Variants in MTA3 observed in about 807,000 individuals in gnomAD.
MTA3 encodes metastasis associated 1 family member 3, also known as metastasis-associated protein MTA3.
MTA3 carries 34 observed loss-of-function variants against 83.5 expected under a neutral mutation model. The observed-to-expected ratio is 0.41, with a 90% CI of 0.31 to 0.54. The LOEUF (loss-of-function observed/expected upper bound fraction) is 0.54. Ranked by LOEUF, MTA3 falls within the 20% of genes least tolerant of loss-of-function variation. MTA3 has a pLI of 0.33. For synonymous variants in MTA3, 303 were observed against 252.7 expected (o/e 1.20, Z -1.89); for missense variants, 761 against 726.4 (o/e 1.05, Z -0.55).
At chr2:42,664,426 T>C (rs945869670) in intron 8 of MTA3, among the ~76,000 whole-genome samples, 1 of 151,690 alleles carries the variant, frequency 6.6e-6, no homozygotes, top group African/African-American at 2.4e-5. Flanking sequence ...ATTCTTTTCT[T>C]TGAGTATTTA....
chr2:42,653,325 A>G (rs1382737599), intron 6 of MTA3, among the ~76,000 whole-genome samples: 1 of 152,158 alleles, frequency 6.6e-6, no homozygotes, highest in African/African-American at 2.4e-5. Context: ...TAAAGACTGG[A>G]ATGAACATTA....
chr2:42,539,571 G>A (rs1048744729), intron 2 of MTA3, among the ~76,000 whole-genome samples: 2 of 139,290 alleles, frequency 1.4e-5, no homozygotes, highest in South Asian at 4.9e-4. Context: ...ATTATCAATT[G>A]TAAAGCTTTT....
rs146181709 is a variant in MTA3, at chr2:42,716,481, C to T, written c.1526-2507C>T. ...TTCTTCCTGATACTGTCCCTCCTCT[C>T]ACCCTCCACCCTCCAATAGGCCCCA... is the stretch of plus-strand genomic sequence containing the variant. On this transcript the variant is annotated intron_variant, in intron 14 of 16. Coordinates refer to ENST00000405094, the MANE Select transcript of MTA3 (RefSeq NM_001330442.2). 1.9e-3 allele frequency among the ~76,000 whole-genome samples: 285 copies of T among 152,290 alleles called. 1 individual carries two copies. Among genetic ancestry groups the T allele is most frequent in the African/African-American group, 6.6e-3 (276 of 41,554 alleles).
chr2:42,746,624 A>G (rs1305013041), intron 16 of MTA3, among the ~76,000 whole-genome samples: 2 of 152,238 alleles, frequency 1.3e-5, no homozygotes, highest in Non-Finnish European at 2.9e-5. Flanking sequence ...CCTGCTGGCT[A>G]TAAATCAGGA....
intron 4 of MTA3, among the ~76,000 whole-genome samples, chr2:42,614,827 T>C (rs1405671165): frequency 1.3e-5 from 2 of 151,806 alleles, no homozygotes; most frequent in Non-Finnish European, 2.9e-5. Context: ...ATAAAAAAAT[T>C]AGCATGGCAT....
intron 2 of MTA3, among the ~76,000 whole-genome samples, chr2:42,554,306 C>T (rs1033831418): frequency 3.9e-5 from 6 of 152,266 alleles, no homozygotes; most frequent in Admixed American, 2.6e-4. Context: ...TGGTGAACTC[C>T]TTGAGTCCCA....
At chr2:42,662,762 C>T (rs1253336341) in intron 8 of MTA3, among the ~76,000 whole-genome samples, 5 of 148,036 alleles carry the variant, frequency 3.4e-5, no homozygotes, top group East Asian at 2.0e-4. Flanking sequence ...GACAGAGTCT[C>T]GCCCTGTCGC....
chr2:42,665,574 G>A (rs1690164738), intron 8 of MTA3, among the ~76,000 whole-genome samples: 1 of 152,176 alleles, frequency 6.6e-6, no homozygotes, highest in Non-Finnish European at 1.5e-5. Context: ...GCCAGAGCAA[G>A]GTCTGCACTC....
chr2:42,646,382 C>T (rs1688189333), intron 6 of MTA3, among the ~76,000 whole-genome samples: 1 of 152,168 alleles, frequency 6.6e-6, no homozygotes, highest in South Asian at 2.1e-4. Context: ...TAAGGCTATA[C>T]TTGCCATAGA....
At chr2:42,601,082 T>C (rs1325702105) in intron 3 of MTA3, among the ~76,000 whole-genome samples, 1 of 152,080 alleles carries the variant, frequency 6.6e-6, no homozygotes, top group East Asian at 1.9e-4. Context: ...AATTTTTGTA[T>C]TTTTAGTAGA....
chr2:42,511,552 A>C (rs1304539705), intron 2 of MTA3: 1 of 152,176 alleles, frequency 6.6e-6, no homozygotes, highest in Non-Finnish European at 1.5e-5. Flanking sequence ...CCCTGTCTCT[A>C]CTAAAAATAC....
intron 2 of MTA3, among the ~76,000 whole-genome samples, chr2:42,504,584 G>A (rs985351442): frequency 6.6e-6 from 1 of 151,916 alleles, no homozygotes; most frequent in African/African-American, 2.4e-5. Context: ...AGAGGGACAT[G>A]TCGCTCCTGT....
At chr2:42,748,444 A>G (rs1396891265) in intron 16 of MTA3, among the ~76,000 whole-genome samples, 2 of 152,178 alleles carry the variant, frequency 1.3e-5, no homozygotes, top group Non-Finnish European at 2.9e-5. Context: ...GAGTTCTATC[A>G]TCAAGTTCGC....
intron 2 of MTA3, among the ~76,000 whole-genome samples, chr2:42,505,144 A>G (rs1005434993): frequency 6.6e-6 from 1 of 152,146 alleles, no homozygotes; most frequent in Non-Finnish European, 1.5e-5. Context: ...CTGTAATCCC[A>G]TCACTTTGGG....
chr2:42,691,369 C>T (rs899745342), intron 9 of MTA3, among the ~76,000 whole-genome samples: 1 of 150,258 alleles, frequency 6.7e-6, no homozygotes, highest in African/African-American at 2.4e-5. Flanking sequence ...GAACATCGTA[C>T]ACACACACAC....
intron 8 of MTA3, 48 bp downstream of exon 8, chr2:42,659,910 G>A: frequency 6.9e-7 from 1 of 1,446,848 alleles, no homozygotes; most frequent in Admixed American, 2.2e-5. Flanking sequence ...TCTGTTACTT[G>A]TTTAATTTTA....
chr2:42,557,484 A>G (rs1677453531), intron 2 of MTA3, among the ~76,000 whole-genome samples: 1 of 152,112 alleles, frequency 6.6e-6, no homozygotes, highest in African/African-American at 2.4e-5. Context: ...AAAGCCTCGA[A>G]AAGGTCAAAC....
intron 3 of MTA3, among the ~76,000 whole-genome samples, chr2:42,589,563 G>GT (rs1352250418): frequency 1.3e-5 from 2 of 151,854 alleles, no homozygotes; most frequent in Non-Finnish European, 2.9e-5. Context: ...TTGGATTTTT[G>GT]TTTTTTTGAG....
intron 16 of MTA3, among the ~76,000 whole-genome samples, chr2:42,749,547 A>G (rs1669706147): frequency 6.6e-6 from 1 of 152,070 alleles, no homozygotes; most frequent in African/African-American, 2.4e-5. Flanking sequence ...GGCTCACTGC[A>G]ACCTCCGCCT....
Sources: allele counts gnomAD v4.1 joint callset (sites outside exome capture counted in the v4.1 genomes callset), GRCh38; gene constraint gnomAD v4.1.1; transcripts MANE v1.5; gene names NCBI Gene and HGNC (gene_info 2026-07-23, HGNC 2026-07-21).